Variants in KCTD8 observed in about 807,000 individuals in gnomAD.
The protein encoded by KCTD8 is potassium channel tetramerization domain containing 8.
Under a neutral mutation model 31.5 loss-of-function variants are expected in KCTD8, and 27 were observed. The ratio of observed to expected loss-of-function variants is 0.86; its 90% CI spans 0.63 to 1.18. KCTD8 has a LOEUF of 1.18. Ranked by LOEUF, KCTD8 falls within the 50% of genes most tolerant of loss-of-function variation. The probability of loss-of-function intolerance (pLI) is 0.00; values close to 1 mark genes in which losing one functional copy is unlikely to be tolerated. For missense variants in KCTD8, 658 were observed against 647.7 expected, an observed-to-expected ratio of 1.02 and a Z score of -0.17; for synonymous variants, 290 against 280.0, an observed-to-expected ratio of 1.04 and a Z score of -0.36.
chr4:44,326,220 A>G (rs1718440996), intron 1 of KCTD8, among the ~76,000 whole-genome samples: 1 of 151,642 alleles, frequency 6.6e-6, no homozygotes, highest in Non-Finnish European at 1.5e-5. Context: ...TTTTCAACTT[A>G]TATTACTTTA....
At position 44,448,448 on chromosome 4, in the gene KCTD8, G is replaced by A; in HGVS notation, c.76C>T (p.Pro26Ser). 17 of 1,547,428 alleles carry A rather than the reference G, an allele frequency of 1.1e-5. No individual in the cohort carries two copies. Among genetic ancestry groups the A allele is most frequent in the Non-Finnish European group, 1.5e-5 (17 of 1,155,072 alleles). The change falls in exon 1 of 2, where the codon CCC (proline) becomes TCC (serine). Residue 26 changes from proline to serine, a missense_variant. Physicochemically the swap from Pro to Ser is moderately conservative, Grantham distance 74 (BLOSUM62 -1). Coordinates refer to ENST00000360029, the MANE Select transcript of KCTD8 (RefSeq NM_198353.3). The surrounding 1 kb of genome is among the most constrained non-coding windows in gnomAD (Gnocchi z 4.1). ...GGGGCGGCGGCGGCCGACGCGCCGGGCGAGCTGGACGAGGAAACCATCTCG... is the reference window on the plus strand; with the variant it reads ...GGGGCGGCGGCGGCCGACGCGCCGGACGAGCTGGACGAGGAAACCATCTCG... Reference protein sequence around the residue: ...ISEMVSSSSSPGASAAAAPGP... With the variant: ...ISEMVSSSSSSGASAAAAPGP...
chr4:44,182,243 G>A (rs990422515), intron 1 of KCTD8, among the ~76,000 whole-genome samples: 6 of 152,186 alleles, frequency 3.9e-5, no homozygotes, highest in Non-Finnish European at 7.3e-5. Context: ...CCCCTTCTGG[G>A]AAGTGAGGAG....
intron 1 of KCTD8, among the ~76,000 whole-genome samples, chr4:44,331,579 C>T (rs1296604816): frequency 6.6e-6 from 1 of 151,392 alleles, no homozygotes; most frequent in Non-Finnish European, 1.5e-5. Context: ...AAACAAAACT[C>T]GTTACCATTT....
At chr4:44,411,628 A>G (rs1720960512) in intron 1 of KCTD8, among the ~76,000 whole-genome samples, 1 of 152,146 alleles carries the variant, frequency 6.6e-6, no homozygotes, top group African/African-American at 2.4e-5. Flanking sequence ...CCTTAGAATG[A>G]TAACTTATTT....
At chr4:44,224,374 T>G (rs78500704) in intron 1 of KCTD8, among the ~76,000 whole-genome samples, 4,892 of 152,224 alleles carry the variant, frequency 0.032, 149 homozygotes, top group Non-Finnish European at 0.047. Context: ...AAACTCCTTT[T>G]TGTGTGTGTG....
rs74326185 is a variant in KCTD8 at position 44,365,904 on chromosome 4, G to C, written c.961+81659C>G. Among the ~76,000 whole-genome samples the C allele has an allele frequency of 1.4e-4, 21 of 152,160 alleles. 1 individual carries two copies. In the East Asian group the frequency reaches 3.3e-3, roughly 24 times the overall value. On this transcript the variant is annotated intron_variant, in intron 1 of 1. Transcript: ENST00000360029. ...AGAGGAAACTATTACATAAATTATG[G>C]TCACACATTACAGTGGATTACTATG...
chr4:44,422,197 T>A (rs1241691903), intron 1 of KCTD8, among the ~76,000 whole-genome samples: 2 of 152,080 alleles, frequency 1.3e-5, no homozygotes, highest in African/African-American at 4.8e-5. Flanking sequence ...TCAAAGGAAA[T>A]GATAGAAAGT....
At chr4:44,443,841 T>C (rs556707198) in intron 1 of KCTD8, among the ~76,000 whole-genome samples, 1 of 152,344 alleles carries the variant, frequency 6.6e-6, no homozygotes, top group African/African-American at 2.4e-5. Context: ...ATCTATATTC[T>C]ATATAATTCA....
intron 1 of KCTD8, among the ~76,000 whole-genome samples, chr4:44,286,891 T>C (rs1203972533): frequency 6.6e-6 from 1 of 152,112 alleles, no homozygotes; most frequent in Non-Finnish European, 1.5e-5. Context: ...TAGAAGTAGG[T>C]AACAGAGGAC....
At chr4:44,278,289 T>C (rs1403303769) in intron 1 of KCTD8, among the ~76,000 whole-genome samples, 1 of 151,980 alleles carries the variant, frequency 6.6e-6, no homozygotes, top group Non-Finnish European at 1.5e-5. Context: ...ACCAAATTAT[T>C]CTCTACACAA....
At chr4:44,194,811 C>CCTTCCTTCCTTCCTT (rs1713887466) in intron 1 of KCTD8, among the ~76,000 whole-genome samples, 1 of 98,918 alleles carries the variant, frequency 1.0e-5, no homozygotes, top group African/African-American at 4.7e-5. Flanking sequence ...CTCCCTCCCT[C>CCTTCCTTCCTTCCTT]CCTCCCTTCC....
chr4:44,360,882 C>T (rs1472317438), intron 1 of KCTD8, among the ~76,000 whole-genome samples: 2 of 151,930 alleles, frequency 1.3e-5, no homozygotes, highest in East Asian at 1.9e-4. Context: ...TTCCTCATGG[C>T]TTTTTTCCAT....
chr4:44,391,473 G>A (rs1428652414), intron 1 of KCTD8, among the ~76,000 whole-genome samples: 1 of 151,734 alleles, frequency 6.6e-6, no homozygotes, highest in Non-Finnish European at 1.5e-5. Context: ...AAAACGATGA[G>A]GGTGAAGATC....
intron 1 of KCTD8, among the ~76,000 whole-genome samples, chr4:44,235,196 T>G (rs982481289): frequency 3.3e-5 from 5 of 151,176 alleles, no homozygotes; most frequent in Non-Finnish European, 7.4e-5. Flanking sequence ...GCTGAGTTTT[T>G]TTTTTTTTTT....
chr4:44,421,655 T>C (rs1721215025), intron 1 of KCTD8, among the ~76,000 whole-genome samples: 1 of 152,260 alleles, frequency 6.6e-6, no homozygotes, highest in Non-Finnish European at 1.5e-5. Context: ...AGAGCCCTTA[T>C]TCATACAGAT....
intron 1 of KCTD8, among the ~76,000 whole-genome samples, chr4:44,211,316 TC>T (rs1714478640): frequency 6.6e-6 from 1 of 152,176 alleles, no homozygotes; most frequent in Admixed American, 6.5e-5. Flanking sequence ...ACAGCTGTTA[TC>T]CTGAGTTTTT....
chr4:44,210,684 A>G (rs1338111435), intron 1 of KCTD8, among the ~76,000 whole-genome samples: 1 of 152,196 alleles, frequency 6.6e-6, no homozygotes, highest in East Asian at 1.9e-4. Flanking sequence ...AATTTCCTGT[A>G]GTAATATACA....
chr4:44,334,432 T>C (rs1718666727), intron 1 of KCTD8, among the ~76,000 whole-genome samples: 2 of 152,060 alleles, frequency 1.3e-5, no homozygotes, highest in African/African-American at 2.4e-5. Context: ...TATGTGTTTA[T>C]GTCTATTTCA....
intron 1 of KCTD8, among the ~76,000 whole-genome samples, chr4:44,441,018 ACAAT>A (rs1721798338): frequency 1.3e-5 from 2 of 152,232 alleles, no homozygotes; most frequent in South Asian, 4.1e-4. Flanking sequence ...AATTTGTATG[ACAAT>A]CAGACACTAA....
Sources: allele counts gnomAD v4.1 joint callset (sites outside exome capture counted in the v4.1 genomes callset), GRCh38; gene constraint gnomAD v4.1.1; non-coding constraint Gnocchi (gnomAD v3.1); transcripts MANE v1.5; gene names NCBI Gene and HGNC (gene_info 2026-07-23, HGNC 2026-07-21).